STXBP6: variants seen among roughly 807,000 people sequenced by gnomAD.
The protein encoded by STXBP6 is syntaxin-binding protein 6.
Under a neutral mutation model 26.9 loss-of-function variants are expected in STXBP6, and 21 were observed. That is an observed-to-expected ratio of 0.78 (90% CI 0.55 to 1.12). The LOEUF is 1.12. Among genes scored for constraint, STXBP6 ranks in the 50% most tolerant of loss-of-function variants. The probability of loss-of-function intolerance (pLI) is 0.00; values close to 1 mark genes in which losing one functional copy is unlikely to be tolerated. For missense variants in STXBP6, 232 were observed against 257.9 expected (o/e 0.90, Z 0.69); for synonymous variants, 97 against 92.6 (o/e 1.05, Z -0.27).
chr14:24,905,163 C>T (rs1351432855), intron 2 of STXBP6, among the ~76,000 whole-genome samples: 1 of 152,152 alleles, frequency 6.6e-6, no homozygotes, highest in African/African-American at 2.4e-5. Flanking sequence ...AGAACCATCT[C>T]AAATAGGATT....
chr14:24,931,491 CCTTGGT>C (rs1169494673), intron 2 of STXBP6, among the ~76,000 whole-genome samples: 4 of 152,272 alleles, frequency 2.6e-5, no homozygotes, highest in African/African-American at 9.6e-5. Flanking sequence ...ACACAACTTT[CCTTGGT>C]AGAGTTAGGT....
rs2075777651 is a variant in STXBP6, at chr14:25,049,762, A to C, written c.-33+116T>G. ...GGAGCCTGCCTACTCCCCTGGCCTC[A>C]CAGCCACCCGCCTCGGACGGAGCGC... On this transcript the variant is annotated intron_variant, in intron 1 of 5. Coordinates refer to ENST00000323944, the MANE Select transcript of STXBP6 (RefSeq NM_001394410.1). This position sits in a 1 kb window ranked among gnomAD's most constrained non-coding sequence, Gnocchi z 5.6. 2.0e-6 allele frequency: 2 copies of C among 985,276 alleles called. No individual in the cohort carries two copies. Among genetic ancestry groups the C allele is most frequent in the African/African-American group, 3.5e-5 (2 of 57,210 alleles). The allele number at this position is 985,276 out of a possible 1,614,324, so 61.0% of individuals were successfully genotyped here.
intron 1 of STXBP6, among the ~76,000 whole-genome samples, chr14:24,982,034 ACG>A (rs540164982): frequency 2.7e-4 from 41 of 152,200 alleles, no homozygotes; most frequent in Non-Finnish European, 4.7e-4. Context: ...GTTTGCCAAA[ACG>A]TTAATATGAT....
intron 2 of STXBP6, among the ~76,000 whole-genome samples, chr14:24,898,525 A>G (rs1223300088): frequency 6.6e-6 from 1 of 152,120 alleles, no homozygotes; most frequent in Non-Finnish European, 1.5e-5. Context: ...AAAAATACAA[A>G]AACTAGCTGG....
In STXBP6 at chr14:24,810,393, G is replaced by A. The variant is rs1267728541; in HGVS notation, c.*2316C>T. On this transcript the variant is annotated 3_prime_UTR_variant, in exon 6 of 6. Transcript: ENST00000323944. ...CCTCTGCAAGAGGCTGGGAGGTAAA[G>A]GAGGGGCAGGGATTGCTGTTACGGC... The A allele has an allele frequency of 6.6e-6, 1 of 152,250 alleles. No homozygotes were observed. Among genetic ancestry groups the A allele is most frequent in the African/African-American group, 2.4e-5 (1 of 41,444 alleles). The allele number at this position is 152,250 out of a possible 1,614,324, so 9.4% of individuals were successfully genotyped here.
chr14:24,987,115 T>A (rs2074352374), intron 1 of STXBP6, among the ~76,000 whole-genome samples: 1 of 152,164 alleles, frequency 6.6e-6, no homozygotes, highest in Admixed American at 6.5e-5. Context: ...ATGAACTCAA[T>A]TAACACTAGT....
At chr14:24,857,754 G>A (rs930718415) in intron 2 of STXBP6, among the ~76,000 whole-genome samples, 2 of 151,420 alleles carry the variant, frequency 1.3e-5, no homozygotes, top group African/African-American at 4.9e-5. Context: ...TGGTGTTCTG[G>A]GCACACCTCC....
chr14:24,818,699 G>A (rs1183913911), intron 5 of STXBP6, among the ~76,000 whole-genome samples: 1 of 152,118 alleles, frequency 6.6e-6, no homozygotes, highest in African/African-American at 2.4e-5. Context: ...AGGGATATTC[G>A]AAGACCTGAT....
intron 1 of STXBP6, among the ~76,000 whole-genome samples, chr14:25,042,332 C>T (rs926418793): frequency 7.9e-5 from 12 of 152,210 alleles, no homozygotes; most frequent in African/African-American, 2.9e-4. Flanking sequence ...GGGATTAGTG[C>T]CAGTCCCAAA....
At chr14:24,949,135 A>G (rs1288839755) in intron 2 of STXBP6, among the ~76,000 whole-genome samples, 3 of 152,202 alleles carry the variant, frequency 2.0e-5, no homozygotes, top group African/African-American at 7.2e-5. Context: ...AAGCACCATT[A>G]GAGCAAACAT....
chr14:24,902,637 G>A (rs772948454), intron 2 of STXBP6, among the ~76,000 whole-genome samples: 66 of 148,754 alleles, frequency 4.4e-4, no homozygotes, highest in Non-Finnish European at 8.4e-4. Flanking sequence ...ACTGAGTTAC[G>A]TAAACTATTT....
intron 4 of STXBP6, among the ~76,000 whole-genome samples, chr14:24,825,909 T>C (rs1236523602): frequency 2.6e-5 from 4 of 152,236 alleles, no homozygotes; most frequent in Admixed American, 1.3e-4. Context: ...GGAGAATGAA[T>C]TCAATAATAC....
At chr14:24,906,207 A>G (rs554838550) in intron 2 of STXBP6, among the ~76,000 whole-genome samples, 8 of 152,314 alleles carry the variant, frequency 5.3e-5, no homozygotes, top group African/African-American at 1.7e-4. Flanking sequence ...TTACTACTAC[A>G]AAATGAATGA....
chr14:24,819,290 T>A, intron 4 of STXBP6, 96 bp from the exon 5 acceptor site: 10 of 1,445,960 alleles, frequency 6.9e-6, no homozygotes, highest in Non-Finnish European at 9.6e-6. Context: ...GGAAGGCAGG[T>A]CACACTGCAG....
intron 2 of STXBP6, among the ~76,000 whole-genome samples, chr14:24,926,779 A>T (rs1486329791): frequency 6.6e-6 from 1 of 152,130 alleles, no homozygotes; most frequent in Admixed American, 6.5e-5. Flanking sequence ...TGGGCACATT[A>T]CCTAACCTTA....
Position 24,856,043 on chromosome 14 carries a change from G to A in STXBP6, c.344C>T (p.Thr115Ile). The A allele has an allele frequency of 1.2e-6, 2 of 1,611,278 alleles. No homozygotes were observed. The highest frequency in any genetic ancestry group is 1.7e-6 in the Non-Finnish European group (2 of 1,178,530). Residue 115 changes from threonine (T) to isoleucine (I), a missense_variant, in exon 4 of 6, where the codon ACA becomes ATA. Physicochemically the swap from Thr to Ile is moderately conservative, Grantham distance 89. Coordinates refer to ENST00000323944, the MANE Select transcript of STXBP6 (RefSeq NM_001394410.1). ...ENAFDQWVASTASEKCTFFQI... is the reference protein window; with the variant it reads ...ENAFDQWVASIASEKCTFFQI... ...GAAGAAGGTGCATTTTTCTGACGCT[G>A]TGCTGGCTACCCACTGGTCAAAAGC...
chr14:24,904,334 A>G (rs2071314874), intron 2 of STXBP6, among the ~76,000 whole-genome samples: 1 of 152,188 alleles, frequency 6.6e-6, no homozygotes. Flanking sequence ...CAGGGAACCA[A>G]TGTTCTAATA....
At chr14:24,821,665 A>C (rs1427693288) in intron 4 of STXBP6, among the ~76,000 whole-genome samples, 2 of 152,234 alleles carry the variant, frequency 1.3e-5, no homozygotes, top group African/African-American at 2.4e-5. Flanking sequence ...ACCTTTATTA[A>C]GCTTCAGGTC....
At chr14:25,026,712 T>C (rs1192512085) in intron 1 of STXBP6, among the ~76,000 whole-genome samples, 3 of 152,186 alleles carry the variant, frequency 2.0e-5, no homozygotes, top group Non-Finnish European at 4.4e-5. Flanking sequence ...AAATTCAGTA[T>C]GGCAGGACTG....
Sources: gnomAD v4.1 joint callset for allele counts (sites outside exome capture counted in the v4.1 genomes callset) on GRCh38, gnomAD v4.1.1 for gene constraint, Gnocchi (gnomAD v3.1) non-coding constraint, MANE v1.5 for transcripts, NCBI Gene and HGNC (gene_info 2026-07-23, HGNC 2026-07-21) for gene names.